The following FAM229B variants were observed in gnomAD, a reference collection of about 807,000 sequenced individuals.
FAM229B encodes the protein family with sequence similarity 229 member B, also known as protein FAM229B.
FAM229B carries 2 observed loss-of-function variants against 6.7 expected under a neutral mutation model. The observed-to-expected ratio is 0.30, with a 90% confidence interval of 0.12 to 0.94. The LOEUF is 0.94. Among genes scored for constraint, FAM229B ranks in the 40% least tolerant of loss-of-function variants. The pLI, the probability that FAM229B is intolerant of heterozygous loss-of-function variation, is 0.54. For missense variants in FAM229B, 93 were observed against 96.2 expected (o/e 0.97, Z 0.14); for synonymous variants, 29 against 34.0 (o/e 0.85, Z 0.51).
In FAM229B at chr6:112,102,729, CTT is replaced by C. The variant is rs1403566440; in HGVS notation, c.*1943_*1944del. On this transcript the variant is annotated 3_prime_UTR_variant, in exon 4 of 4. Coordinates refer to ENST00000368656, the MANE Select transcript of FAM229B (RefSeq NM_001033564.3). ...AAAGGATCAAACTGATTTCAAGTAA[CTT>C]GAGTGCATCCAAGGGGAGAAAACCC... 6.6e-6 allele frequency: 1 copy of C among 151,898 alleles called. No homozygotes were observed. Among genetic ancestry groups the C allele is most frequent in the African/African-American group, 2.4e-5 (1 of 41,324 alleles). 9.4% of individuals were successfully genotyped at this position (151,898 alleles called of 1,614,324 possible).
At chr6:112,089,388 G>GA (rs11382109) in intron 1 of FAM229B, among the ~76,000 whole-genome samples, 40,299 of 151,806 alleles carry the variant, frequency 0.27, 5,394 homozygotes, top group East Asian at 0.32. Flanking sequence ...TAAGAGGGGA[G>GA]AAAAGAAAAT....
chr6:112,093,983 G>C lies in FAM229B; in HGVS notation c.-175-3058G>C, dbSNP rs368275909. Among the ~76,000 whole-genome samples, 30 of 151,178 alleles carry C rather than the reference G, an allele frequency of 2.0e-4. No homozygotes were observed. The East Asian group carries it at 3.7e-3, about 19-fold the overall frequency. The stretch of plus-strand genomic sequence containing the variant: ...TGTAAATAACCCATAGGTCAAAGAA[G>C]AAAAAGCAAAAAAATTTTAACTGAA... On this transcript the variant is annotated intron_variant, in intron 1 of 3. Coordinates refer to ENST00000368656, the MANE Select transcript of FAM229B (RefSeq NM_001033564.3).
chr6:112,099,352 G>A lies in FAM229B; in HGVS notation c.69G>A (p.Leu23=), dbSNP rs1452664658. 5 of 1,613,976 alleles carry A rather than the reference G, an allele frequency of 3.1e-6. No individual in the cohort carries two copies. The highest frequency in any genetic ancestry group is 4.2e-6 in the Non-Finnish European group (5 of 1,179,872). Reference sequence around the variant, plus strand: ...AAGGAGGAGATTCTTCAATTGAGCTGGAACCTGGGCTGAGCTCCAGTGCTG... The same window carrying A: ...AAGGAGGAGATTCTTCAATTGAGCTAGAACCTGGGCTGAGCTCCAGTGCTG... ...PVEGGDSSIE[L]EPGLSSSAAC... is the part of the protein sequence containing the mutation. Residue 23 remains leucine, a synonymous_variant, in exon 3 of 4, where the codon CTG becomes CTA. Coordinates refer to ENST00000368656, the MANE Select transcript of FAM229B (RefSeq NM_001033564.3).
Position 112,100,919 on chromosome 6 carries a change from A to G in FAM229B, c.*132A>G. ...AACAGTTGAGCTCTTTACTTTTAGT[A>G]AGACCGACAGAAATGTAGTCAGTAA... On this transcript the variant is annotated 3_prime_UTR_variant, in exon 4 of 4. Transcript: ENST00000368656. The G allele has an allele frequency of 1.4e-6, 1 of 691,322 alleles. No individual in the cohort carries two copies. Among genetic ancestry groups the G allele is most frequent in the South Asian group, 1.8e-5 (1 of 56,250 alleles). The allele number at this position is 691,322 out of a possible 1,614,324, so 42.8% of individuals were successfully genotyped here.
chr6:112,096,043 G>A (rs1245448482), intron 1 of FAM229B, among the ~76,000 whole-genome samples: 1 of 152,186 alleles, frequency 6.6e-6, no homozygotes, highest in Non-Finnish European at 1.5e-5. Flanking sequence ...ACATTTAATA[G>A]TTTAGTCATC....
chr6:112,097,923 C>T (rs1554318836), intron 2 of FAM229B, among the ~76,000 whole-genome samples: 1 of 152,162 alleles, frequency 6.6e-6, no homozygotes, highest in Admixed American at 6.5e-5. Context: ...TGTTTCTCAA[C>T]AGTGGGCAGT....
intron 1 of FAM229B, among the ~76,000 whole-genome samples, chr6:112,090,260 A>G (rs587636869): frequency 1.3e-5 from 2 of 152,312 alleles, no homozygotes; most frequent in South Asian, 4.1e-4. Context: ...TCTCTTTCTC[A>G]TATAACTTGA....
chr6:112,100,628 C>G (rs1262703192), intron 3 of FAM229B, 42 bp from the exon 4 acceptor site: 10 of 1,350,596 alleles, frequency 7.4e-6, no homozygotes, highest in Non-Finnish European at 1.1e-5. Flanking sequence ...AATATTTCCT[C>G]TTTTTAGTAT....
intron 3 of FAM229B, among the ~76,000 whole-genome samples, chr6:112,100,432 A>G (rs1554319125): frequency 2.6e-5 from 4 of 152,180 alleles, no homozygotes; most frequent in South Asian, 2.1e-4. Flanking sequence ...CCGGAGGATT[A>G]TCTTTGAATA....
At chr6:112,090,567 ACAAT>A (rs148278383) in intron 1 of FAM229B, among the ~76,000 whole-genome samples, 34,796 of 151,846 alleles carry the variant, frequency 0.23, 4,095 homozygotes, top group East Asian at 0.32. Flanking sequence ...TGCTGTGGTA[ACAAT>A]CAACCCCAAA....
intron 2 of FAM229B, among the ~76,000 whole-genome samples, chr6:112,099,015 G>A (rs1270968351): frequency 6.6e-6 from 1 of 152,080 alleles, no homozygotes; most frequent in Non-Finnish European, 1.5e-5. Flanking sequence ...AATTCCAAGG[G>A]CAGGCACGTT....
chr6:112,096,232 G>T (rs587649769), intron 1 of FAM229B, among the ~76,000 whole-genome samples: 1 of 152,144 alleles, frequency 6.6e-6, no homozygotes, highest in Non-Finnish European at 1.5e-5. Context: ...CAGGGCTCAG[G>T]GAACAGAATA....
At chr6:112,093,743 A>G (rs1777287325) in intron 1 of FAM229B, among the ~76,000 whole-genome samples, 1 of 152,132 alleles carries the variant, frequency 6.6e-6, no homozygotes, top group African/African-American at 2.4e-5. Flanking sequence ...ATACTTATAT[A>G]GAACACTGAA....
rs587674114 is a variant in FAM229B at position 112,096,435 on chromosome 6, A to G, written c.-175-606A>G. ...GCCGGGTGTGGTGGCGGGTGCCTGT[A>G]GTCCCAGCTACTTGGGAGGCTGAGG... On this transcript the variant is annotated intron_variant, in intron 1 of 3. Coordinates refer to ENST00000368656, the MANE Select transcript of FAM229B (RefSeq NM_001033564.3). 4.6e-4 allele frequency among the ~76,000 whole-genome samples: 69 copies of G among 151,530 alleles called. No individual in the cohort carries two copies. In the Middle Eastern group the frequency reaches 0.038, roughly 83 times the overall value.
At chr6:112,095,152 T>A (rs1444472043) in intron 1 of FAM229B, among the ~76,000 whole-genome samples, 1 of 152,196 alleles carries the variant, frequency 6.6e-6, no homozygotes, top group Non-Finnish European at 1.5e-5. Context: ...ATACTCTGAT[T>A]TCAAGAATGA....
Position 112,100,839 on chromosome 6 carries a change from TATC to T in FAM229B, c.*56_*58del, listed in dbSNP as rs782186129. On this transcript the variant is annotated 3_prime_UTR_variant, in exon 4 of 4. Coordinates refer to ENST00000368656, the MANE Select transcript of FAM229B (RefSeq NM_001033564.3). ...GACTAGGTCAAGGGTAATGGACCAGTATCATCTGGTGATCTGGTAAACAAATAA... is the reference window on the plus strand; with the variant it reads ...GACTAGGTCAAGGGTAATGGACCAGTATCTGGTGATCTGGTAAACAAATAA... The T allele has an allele frequency of 2.4e-6, 3 of 1,257,368 alleles. No individual in the cohort carries two copies. The South Asian group carries it at 3.7e-5, about 15-fold the overall frequency. 77.9% of individuals were successfully genotyped at this position (1,257,368 alleles called of 1,614,324 possible).
In FAM229B at chr6:112,102,073, C is replaced by G. The variant is rs1777405662; in HGVS notation, c.*1286C>G. ...AGACTCAAGATGATCTCTAAGTAAC[C>G]TCATTTTATCTGCCAAATAAAAATA... On this transcript the variant is annotated 3_prime_UTR_variant, in exon 4 of 4. Coordinates refer to ENST00000368656, the MANE Select transcript of FAM229B (RefSeq NM_001033564.3). The G allele has an allele frequency of 6.6e-6, 1 of 152,120 alleles. No homozygotes were observed. Among genetic ancestry groups the G allele is most frequent in the African/African-American group, 2.4e-5 (1 of 41,428 alleles). The allele number at this position is 152,120 out of a possible 1,614,324, so 9.4% of individuals were successfully genotyped here. A position where few individuals can be genotyped will look rare whatever the true frequency, so the allele number is the denominator to read the frequency against.
intron 1 of FAM229B, 104 bp downstream of exon 1, chr6:112,087,824 G>T (rs1554317698): frequency 4.4e-6 from 1 of 225,108 alleles, no homozygotes; most frequent in Non-Finnish European, 8.7e-6. Context: ...CGGGGCGGTG[G>T]ATCAGTCCGT....
At chr6:112,098,409 A>C (rs1255684140) in intron 2 of FAM229B, among the ~76,000 whole-genome samples, 3 of 152,170 alleles carry the variant, frequency 2.0e-5, no homozygotes, top group Non-Finnish European at 4.4e-5. Context: ...ATATATACTT[A>C]CTAATGCTCA....
Sources: gnomAD v4.1 joint callset for allele counts (sites outside exome capture counted in the v4.1 genomes callset) on GRCh38, gnomAD v4.1.1 for gene constraint, MANE v1.5 for transcripts, NCBI Gene and HGNC (gene_info 2026-07-23, HGNC 2026-07-21) for gene names.